SYNE2: variants seen among roughly 807,000 people sequenced by gnomAD.
The protein encoded by SYNE2 is spectrin repeat containing nuclear envelope protein 2.
In SYNE2, 431 loss-of-function variants were observed where a neutral mutation model predicts 856.3. The observed-to-expected ratio is 0.50, with a 90% CI of 0.47 to 0.55. The LOEUF is 0.55. Among genes scored for constraint, SYNE2 ranks in the 20% least tolerant of loss-of-function variants. The probability of loss-of-function intolerance (pLI) is 0.00; values close to 1 mark genes in which losing one functional copy is unlikely to be tolerated. For synonymous variants in SYNE2, 2,923 were observed against 2,872.3 expected (o/e 1.02, Z -0.56); for missense variants, 8,129 against 8,023.2 (o/e 1.01, Z -0.50).
intron 77 of SYNE2, among the ~76,000 whole-genome samples, chr14:64,133,187 C>T (rs1255566895): frequency 1.3e-5 from 2 of 148,422 alleles, no homozygotes; most frequent in Admixed American, 1.3e-4. Flanking sequence ...GCCTGGGCGA[C>T]AGAGCGAGAC....
intron 45 of SYNE2, among the ~76,000 whole-genome samples, chr14:64,037,154 G>A (rs1176145206): frequency 1.4e-5 from 2 of 145,748 alleles, no homozygotes; most frequent in Admixed American, 1.4e-4. Flanking sequence ...TTTTTTAATT[G>A]ATCATTCTTG....
intron 81 of SYNE2, 50 bp from the exon 82 acceptor site, chr14:64,141,892 T>A (rs763749231): frequency 3.7e-6 from 6 of 1,606,354 alleles, no homozygotes; most frequent in Admixed American, 3.4e-5. Context: ...ATGCTCTGAT[T>A]CATTTTGTTA....
intron 1 of SYNE2, among the ~76,000 whole-genome samples, chr14:63,814,439 C>CAT (rs1387146598): frequency 1.2e-5 from 1 of 80,204 alleles, no homozygotes; most frequent in Non-Finnish European, 2.9e-5. Flanking sequence ...TATATATATC[C>CAT]ATATATATAA....
intron 11 of SYNE2, among the ~76,000 whole-genome samples, chr14:63,975,991 T>C (rs2096539640): frequency 6.6e-6 from 1 of 152,164 alleles, no homozygotes; most frequent in Non-Finnish European, 1.5e-5. Flanking sequence ...AAGCAAGCAG[T>C]CAGAGTGTGT....
At chr14:64,040,343 TA>T (rs1445441001) in intron 45 of SYNE2, among the ~76,000 whole-genome samples, 1 of 151,662 alleles carries the variant, frequency 6.6e-6, no homozygotes, top group East Asian at 1.9e-4. Context: ...GATTAGTAAT[TA>T]AAAAAAGAAG....
At chr14:63,861,561 C>T (rs745608680) in intron 1 of SYNE2, among the ~76,000 whole-genome samples, 28 of 151,398 alleles carry the variant, frequency 1.8e-4, no homozygotes, top group Admixed American at 9.2e-4. Flanking sequence ...GAGGCTGAGG[C>T]GAGAGGATCA....
intron 1 of SYNE2, among the ~76,000 whole-genome samples, chr14:63,807,694 T>C (rs1480144084): frequency 6.8e-6 from 1 of 147,800 alleles, no homozygotes; most frequent in Non-Finnish European, 1.5e-5. Context: ...AAACAAGGTG[T>C]CACTCTGTTT....
At chr14:63,935,335 T>A (rs542756081) in intron 2 of SYNE2, among the ~76,000 whole-genome samples, 1 of 152,208 alleles carries the variant, frequency 6.6e-6, no homozygotes, top group Non-Finnish European at 1.5e-5. Flanking sequence ...AAAAATGGAA[T>A]GGATTAAAAA....
intron 1 of SYNE2, among the ~76,000 whole-genome samples, chr14:63,860,383 G>C (rs1055127522): frequency 1.3e-5 from 2 of 152,204 alleles, no homozygotes; most frequent in Admixed American, 1.3e-4. Flanking sequence ...CAATCTTCCT[G>C]TGTTGACATT....
chr14:64,022,870 G>A lies in SYNE2; in HGVS notation c.5637+7G>A. On this transcript the variant is annotated splice_region_variant and intron_variant, in intron 38 of 115. Coordinates refer to ENST00000555002, the MANE Select transcript of SYNE2 (RefSeq NM_182914.3). ...AAAGCTACAAAAACTTTCTGTAAGA[G>A]ATATATGTGTATTTTTAATAAAAAT... 1 of 1,439,200 alleles carries A rather than the reference G, an allele frequency of 6.9e-7. No homozygotes were observed. Among genetic ancestry groups the A allele is most frequent in the Middle Eastern group, 1.8e-4 (1 of 5,482 alleles). The allele number at this position is 1,439,200 out of a possible 1,614,324, so 89.2% of individuals were successfully genotyped here. A position where few individuals can be genotyped will look rare whatever the true frequency, so the allele number is the denominator to read the frequency against.
At chr14:63,792,361 A>T (rs1887766129) in intron 1 of SYNE2, among the ~76,000 whole-genome samples, 1 of 152,124 alleles carries the variant, frequency 6.6e-6, no homozygotes, top group African/African-American at 2.4e-5. Flanking sequence ...CTTGGCCAAC[A>T]TGATGAACAT....
At chr14:64,095,343 T>A (rs1366871187) in intron 61 of SYNE2, among the ~76,000 whole-genome samples, 1 of 152,210 alleles carries the variant, frequency 6.6e-6, no homozygotes, top group Non-Finnish European at 1.5e-5. Flanking sequence ...TCTAAACCCA[T>A]GTCAATGAAC....
chr14:64,097,544 T>G (rs951443227), intron 61 of SYNE2, among the ~76,000 whole-genome samples: 1 of 152,246 alleles, frequency 6.6e-6, no homozygotes, highest in Non-Finnish European at 1.5e-5. Context: ...AAGGCACTTA[T>G]GCAGTGTTGG....
In SYNE2 at chr14:64,130,098, C is replaced by T. The variant is rs370006025; in HGVS notation, c.14190C>T (p.Leu4730=). 1.1e-5 allele frequency: 17 copies of T among 1,614,046 alleles called. No homozygotes were observed. The African/African-American group carries it at 2.1e-4, about 20-fold the overall frequency. ...WGMLRARYTE[L]SSPFVTESQQ... The stretch of plus-strand genomic sequence containing the variant: ...TGCTAAGAGCCAGGTACACAGAACT[C>T]AGCAGCCCTTTCGTCACTGAGAGCC... Residue 4730 remains leucine, a synonymous_variant, in exon 76 of 116, where the codon CTC becomes CTT. Coordinates refer to ENST00000555002, the MANE Select transcript of SYNE2 (RefSeq NM_182914.3).
Position 64,051,947 on chromosome 14 carries a change from A to T in SYNE2, c.8034A>T (p.Gly2678=). ...CTGACCTCCAGGCTACCAAGCATGGATTTTCTGTTTTAAAGGGGCAAGCTG... is the reference window on the plus strand; with the variant it reads ...CTGACCTCCAGGCTACCAAGCATGGTTTTTCTGTTTTAAAGGGGCAAGCTG... The part of the protein sequence containing the change: ...LTTDLQATKH[G]FSVLKGQAEL... The change falls in exon 48 of 116, where the codon GGA becomes GGT. Residue 2678 remains glycine, a synonymous_variant. Coordinates refer to ENST00000555002, the MANE Select transcript of SYNE2 (RefSeq NM_182914.3). The T allele has an allele frequency of 6.2e-7, 1 of 1,613,878 alleles. No homozygotes were observed. Among genetic ancestry groups the T allele is most frequent in the South Asian group, 1.1e-5 (1 of 91,070 alleles).
chr14:63,822,242 A>C (rs1411450791), intron 1 of SYNE2, among the ~76,000 whole-genome samples: 3 of 152,026 alleles, frequency 2.0e-5, no homozygotes, highest in Non-Finnish European at 2.9e-5. Flanking sequence ...AAAAAAAAAA[A>C]CCCTGCTGAA....
At position 64,193,779 on chromosome 14, in the gene SYNE2, G is replaced by A. The variant is rs1200913368; in HGVS notation, c.18038+3542G>A. On this transcript the variant is annotated intron_variant, in intron 99 of 115. Coordinates refer to ENST00000555002, the MANE Select transcript of SYNE2 (RefSeq NM_182914.3). ...GGTAGCCTCCATTGTTGGATAGATAGGAGAGGAAACCAACATTGCTTATTT... is the reference window on the plus strand; with the variant it reads ...GGTAGCCTCCATTGTTGGATAGATAAGAGAGGAAACCAACATTGCTTATTT... Among the ~76,000 whole-genome samples the A allele has an allele frequency of 7.2e-5, 11 of 152,180 alleles. No homozygotes were observed. The East Asian group carries it at 2.1e-3, about 29-fold the overall frequency.
In SYNE2 at chr14:64,225,349, C is replaced by T. The variant is rs371041220; in HGVS notation, c.20547C>T (p.Ser6849=). ...RVPGSTRPQR[S]FLSRVVRAAL... is the part of the protein sequence containing the mutation. Reference sequence around the variant, plus strand: ...CCGGCAGCACACGGCCACAGCGCTCCTTCCTCTCAAGGGTGGTCCGGGCAG... The same window carrying T: ...CCGGCAGCACACGGCCACAGCGCTCTTTCCTCTCAAGGGTGGTCCGGGCAG... The change falls in exon 116 of 116, where the codon TCC becomes TCT. Residue 6849 remains serine (S), a synonymous_variant. Transcript: ENST00000555002. 220 of 1,614,152 alleles carry T rather than the reference C, an allele frequency of 1.4e-4. 4 individuals are homozygous for T. The East Asian group carries it at 1.9e-3, about 14-fold the overall frequency.
chr14:63,790,238 G>A (rs1218228615), intron 1 of SYNE2, among the ~76,000 whole-genome samples: 3 of 151,988 alleles, frequency 2.0e-5, no homozygotes, highest in African/African-American at 4.8e-5. Context: ...AGGTTCAGGT[G>A]GGGGGATCAC....
Sources: gnomAD v4.1 joint callset for allele counts (sites outside exome capture counted in the v4.1 genomes callset) on GRCh38, gnomAD v4.1.1 for gene constraint, MANE v1.5 for transcripts, NCBI Gene and HGNC (gene_info 2026-07-23, HGNC 2026-07-21) for gene names.